The following VWA8 variants were observed in gnomAD, a reference collection of about 807,000 sequenced individuals.
The protein encoded by VWA8 is von Willebrand factor A domain-containing protein 8.
Under a neutral mutation model 241.5 loss-of-function variants are expected in VWA8, and 221 were observed. The observed-to-expected ratio is 0.91, with a 90% CI of 0.82 to 1.02. The LOEUF is 1.02. Ranked by LOEUF, VWA8 falls within the 50% of genes least tolerant of loss-of-function variation. The pLI, the probability that VWA8 is intolerant of heterozygous loss-of-function variation, is 0.00. For missense variants in VWA8, 2,322 were observed against 2,328.7 expected (o/e 1.00, Z 0.06); for synonymous variants, 852 against 827.1 (o/e 1.03, Z -0.52).
chr13:41,914,821 TA>T (rs1175216952), intron 2 of VWA8, among the ~76,000 whole-genome samples: 4 of 152,230 alleles, frequency 2.6e-5, no homozygotes, highest in Admixed American at 1.3e-4. Context: ...CCAAAATTTG[TA>T]AAGTTCTAGA....
chr13:41,911,794 A>C (rs1185677842), intron 3 of VWA8, among the ~76,000 whole-genome samples: 1 of 152,156 alleles, frequency 6.6e-6, no homozygotes, highest in African/African-American at 2.4e-5. Context: ...TCTCTTTTCT[A>C]CTGGAAGTGG....
In VWA8 at chr13:41,811,218, T is replaced by G. The variant is rs778860330; in HGVS notation, c.2063+7A>C. On this transcript the variant is annotated splice_region_variant and intron_variant, in intron 17 of 44. Coordinates refer to ENST00000379310, the MANE Select transcript of VWA8 (RefSeq NM_015058.2). ...AACTTACACGCAGTGAGAAAGAATA[T>G]GTTTACCTGGAAAGGCAGGCTTTAG... is the stretch of plus-strand genomic sequence containing the variant. The G allele has an allele frequency of 1.3e-6, 2 of 1,596,414 alleles. No homozygotes were observed. The highest frequency in any genetic ancestry group is 2.7e-5 in the African/African-American group (2 of 74,672).
chr13:41,923,284 G>A lies in VWA8; in HGVS notation c.242-11116C>T, dbSNP rs773039374. Among the ~76,000 whole-genome samples, 5 of 152,082 alleles carry A rather than the reference G, an allele frequency of 3.3e-5. No homozygotes were observed. In the East Asian group the frequency reaches 7.7e-4, roughly 24 times the overall value. ...GGAACATCACACACCGGGGCTTGCC[G>A]TGGGGTGGGGGGAGCGGGGAGGGAT... On this transcript the variant is annotated intron_variant, in intron 2 of 44. Transcript: ENST00000379310.
intron 17 of VWA8, among the ~76,000 whole-genome samples, chr13:41,794,867 A>G (rs1403161139): frequency 6.6e-6 from 1 of 152,208 alleles, no homozygotes; most frequent in East Asian, 1.9e-4. Flanking sequence ...AATCTAGGCA[A>G]TACCATTCAG....
intron 35 of VWA8, among the ~76,000 whole-genome samples, chr13:41,680,367 C>A (rs963713145): frequency 2.0e-5 from 3 of 152,130 alleles, no homozygotes; most frequent in Non-Finnish European, 4.4e-5. Context: ...ATGGCTGTTA[C>A]CCTGGGATCT....
chr13:41,671,491 G>A (rs1262331464), intron 36 of VWA8, among the ~76,000 whole-genome samples: 3 of 152,114 alleles, frequency 2.0e-5, no homozygotes, highest in Non-Finnish European at 4.4e-5. Flanking sequence ...AACTGATTAG[G>A]TTCTCTAAAC....
At chr13:41,908,357 T>C (rs944813573) in intron 3 of VWA8, among the ~76,000 whole-genome samples, 1 of 152,032 alleles carries the variant, frequency 6.6e-6, no homozygotes, top group African/African-American at 2.4e-5. Context: ...TCCCTGCTAC[T>C]CGGGAGGCTG....
chr13:41,949,096 C>A (rs1878001525), intron 2 of VWA8, among the ~76,000 whole-genome samples: 1 of 124,646 alleles, frequency 8.0e-6, no homozygotes, highest in Non-Finnish European at 1.7e-5. Flanking sequence ...GGTAGGAACA[C>A]AAGAGAACAT....
intron 2 of VWA8, among the ~76,000 whole-genome samples, chr13:41,937,914 A>C (rs2138148417): frequency 6.6e-6 from 1 of 152,312 alleles, no homozygotes; most frequent in Middle Eastern, 3.4e-3. Flanking sequence ...TAATCCCAGC[A>C]CTTTGGGACA....
intron 40 of VWA8, among the ~76,000 whole-genome samples, chr13:41,593,600 A>G (rs2044470392): frequency 6.6e-6 from 1 of 152,048 alleles, no homozygotes; most frequent in Non-Finnish European, 1.5e-5. Context: ...CTTTCCTAAC[A>G]TTTCTGTTCT....
intron 2 of VWA8, among the ~76,000 whole-genome samples, chr13:41,949,031 T>TAAAA (rs35506856): frequency 0.029 from 1,825 of 63,212 alleles, no homozygotes; most frequent in Non-Finnish European, 0.034. Flanking sequence ...TCTACCATCA[T>TAAAA]AAAAAAAAAA....
At chr13:41,728,188 T>C (rs982424764) in intron 23 of VWA8, among the ~76,000 whole-genome samples, 2 of 152,092 alleles carry the variant, frequency 1.3e-5, no homozygotes. Context: ...TCTTTCAGCA[T>C]GTACATATTC....
chr13:41,895,990 C>T lies in VWA8; in HGVS notation c.484-4403G>A, dbSNP rs1465238387. ...AACTTTCCTTTAATAATCCATTAGA[C>T]AAATTGCCAGGAAAATTCTGTAAAA... On this transcript the variant is annotated intron_variant, in intron 4 of 44. Coordinates refer to ENST00000379310, the MANE Select transcript of VWA8 (RefSeq NM_015058.2). Among the ~76,000 whole-genome samples, 4 of 151,820 alleles carry T rather than the reference C, an allele frequency of 2.6e-5. No homozygotes were observed. In the South Asian group the frequency reaches 8.3e-4, roughly 32 times the overall value.
chr13:41,704,163 T>G (rs2045268179), intron 26 of VWA8, among the ~76,000 whole-genome samples: 1 of 152,242 alleles, frequency 6.6e-6, no homozygotes, highest in Admixed American at 6.5e-5. Flanking sequence ...TTTTGGCATC[T>G]TAATTTTTTT....
intron 2 of VWA8, among the ~76,000 whole-genome samples, chr13:41,945,451 C>T (rs1877806647): frequency 6.6e-6 from 1 of 151,998 alleles, no homozygotes; most frequent in Non-Finnish European, 1.5e-5. Flanking sequence ...TCTGAGTAAA[C>T]CAGACATTTG....
At chr13:41,803,101 A>T (rs1434372352) in intron 17 of VWA8, among the ~76,000 whole-genome samples, 1 of 152,268 alleles carries the variant, frequency 6.6e-6, no homozygotes, top group Non-Finnish European at 1.5e-5. Flanking sequence ...ACAGCATTAC[A>T]GGGCATGGAG....
chr13:41,720,040 TCTCCTGC>T (rs138787677), intron 25 of VWA8, among the ~76,000 whole-genome samples: 4,384 of 152,178 alleles, frequency 0.029, 72 homozygotes, highest in Middle Eastern at 0.061. Flanking sequence ...CTTTCTGAAA[TCTCCTGC>T]CTTTAATATG....
intron 9 of VWA8, among the ~76,000 whole-genome samples, chr13:41,878,251 AT>A (rs1873996414): frequency 6.6e-6 from 1 of 152,066 alleles, no homozygotes; most frequent in African/African-American, 2.4e-5. Context: ...TATTTTATTA[AT>A]TTTTACCTCT....
At chr13:41,865,385 C>T (rs746236480) in intron 12 of VWA8, 1 of 315,834 alleles carries the variant, frequency 3.2e-6, no homozygotes, top group Non-Finnish European at 6.2e-6. Context: ...TATAGTCATT[C>T]TACTTATTTA....
Sources: allele counts gnomAD v4.1 joint callset (sites outside exome capture counted in the v4.1 genomes callset), GRCh38; gene constraint gnomAD v4.1.1; transcripts MANE v1.5; gene names NCBI Gene and HGNC (gene_info 2026-07-23, HGNC 2026-07-21).